Variants in ATP13A3 observed in about 807,000 individuals in gnomAD.
ATP13A3 encodes polyamine-transporting ATPase 13A3.
ATP13A3 carries 59 observed loss-of-function variants against 158.1 expected under a neutral mutation model. That is an observed-to-expected ratio of 0.37 (90% CI 0.30 to 0.46). The LOEUF is 0.46. Among genes scored for constraint, ATP13A3 ranks in the 20% least tolerant of loss-of-function variants. The pLI is 1.00. For synonymous variants in ATP13A3, 491 were observed against 504.3 expected, an observed-to-expected ratio of 0.97 and a Z score of 0.35; for missense variants, 1,166 against 1,525.2, an observed-to-expected ratio of 0.76 and a Z score of 3.92.
In ATP13A3 at chr3:194,441,463, T is replaced by G; in HGVS notation, c.1560-2A>C. The G allele has an allele frequency of 6.2e-7, 1 of 1,611,114 alleles. No homozygotes were observed. Among genetic ancestry groups the G allele is most frequent in the Non-Finnish European group, 8.5e-7 (1 of 1,177,566 alleles). On this transcript the variant is annotated splice_acceptor_variant, in intron 15 of 33. Transcript: ENST00000645319. LOFTEE classifies it high-confidence loss of function. The stretch of plus-strand genomic sequence containing the variant: ...ACATTTTCTTCTGGTGAAAGAAATC[T>G]AAGCAGAAGACACACTGAATTAGTT...
At chr3:194,455,322 C>T (rs1719148492) in intron 8 of ATP13A3, among the ~76,000 whole-genome samples, 1 of 152,174 alleles carries the variant, frequency 6.6e-6, no homozygotes, top group East Asian at 1.9e-4. Context: ...CCAATGTCTT[C>T]AAATTGATGC....
intron 3 of ATP13A3, among the ~76,000 whole-genome samples, chr3:194,461,741 C>T (rs1050964521): frequency 1.3e-5 from 2 of 152,204 alleles, no homozygotes; most frequent in Non-Finnish European, 1.5e-5. Flanking sequence ...TGACATCTTT[C>T]TGGCTCCCCC....
chr3:194,453,687 C>A lies in ATP13A3; in HGVS notation c.838+19G>T. 1.3e-6 allele frequency: 2 copies of A among 1,594,472 alleles called. No homozygotes were observed. Among genetic ancestry groups the A allele is most frequent in the South Asian group, 2.2e-5 (2 of 90,302 alleles). On this transcript the variant is annotated intron_variant, in intron 10 of 33. Coordinates refer to ENST00000645319, the MANE Select transcript of ATP13A3 (RefSeq NM_001367549.1). Reference sequence around the variant, plus strand: ...CAGGTATCTTTTTTGATTTATTCTTCCAACATTCAATTACTTACCTTCATT... The same window carrying A: ...CAGGTATCTTTTTTGATTTATTCTTACAACATTCAATTACTTACCTTCATT...
intron 2 of ATP13A3, among the ~76,000 whole-genome samples, chr3:194,470,485 T>C (rs1720252060): frequency 1.3e-5 from 2 of 152,278 alleles, no homozygotes; most frequent in South Asian, 4.1e-4. Flanking sequence ...TTCAGAGAAA[T>C]CCTACAGAGT....
intron 2 of ATP13A3, among the ~76,000 whole-genome samples, chr3:194,470,152 C>T (rs1347362853): frequency 6.6e-6 from 1 of 152,172 alleles, no homozygotes; most frequent in African/African-American, 2.4e-5. Flanking sequence ...CACTTTATCA[C>T]TTCCCATCTT....
chr3:194,442,422 A>C (rs1351889768), intron 15 of ATP13A3, among the ~76,000 whole-genome samples: 1 of 152,178 alleles, frequency 6.6e-6, no homozygotes, highest in East Asian at 1.9e-4. Flanking sequence ...ATATAGCGAG[A>C]CACCCATACC....
At chr3:194,431,570 A>C (rs1717222090) in intron 22 of ATP13A3, 147 bp downstream of exon 22, 1 of 838,288 alleles carries the variant, frequency 1.2e-6, no homozygotes, top group South Asian at 2.6e-5. Flanking sequence ...CCCAGTCCTA[A>C]TGAAACATAA....
chr3:194,469,785 ATTATT>A (rs575052352), intron 2 of ATP13A3, among the ~76,000 whole-genome samples: 105 of 152,320 alleles, frequency 6.9e-4, no homozygotes, highest in African/African-American at 2.3e-3. Context: ...CATTCTAAAT[ATTATT>A]TTATTCTCAA....
intron 2 of ATP13A3, among the ~76,000 whole-genome samples, chr3:194,470,765 G>A (rs1053739875): frequency 2.6e-5 from 4 of 152,078 alleles, no homozygotes; most frequent in Admixed American, 1.3e-4. Context: ...CCACATTCAA[G>A]GTTAAGAATT....
At position 194,447,832 on chromosome 3, in the gene ATP13A3, TA is replaced by T. The variant is rs758315271; in HGVS notation, c.1308+19del. ...TAAATAATTGAGGTTCAAACCCTATTAAGAGTCCCACATACATACCTCATTT... is the reference window on the plus strand; with the variant it reads ...TAAATAATTGAGGTTCAAACCCTATTAGAGTCCCACATACATACCTCATTT... On this transcript the variant is annotated intron_variant, in intron 13 of 33. Transcript: ENST00000645319. 6.3e-7 allele frequency: 1 copy of T among 1,588,546 alleles called. No individual in the cohort carries two copies. Among genetic ancestry groups the T allele is most frequent in the Non-Finnish European group, 8.6e-7 (1 of 1,159,342 alleles).
chr3:194,416,047 A>G (rs114822218), intron 31 of ATP13A3, among the ~76,000 whole-genome samples: 3,790 of 152,274 alleles, frequency 0.025, 164 homozygotes, highest in African/African-American at 0.088. Context: ...GTGCATCATG[A>G]CCAAACTGAA....
At chr3:194,413,174 C>T (rs948121640) in intron 32 of ATP13A3, 1 of 152,386 alleles carries the variant, frequency 6.6e-6, no homozygotes, top group Non-Finnish European at 1.5e-5. Context: ...GCAATCCTAA[C>T]GGGAGGGTAA....
At position 194,404,032 on chromosome 3, in the gene ATP13A3, A is replaced by C. The variant is rs757818952; in HGVS notation, c.*1887T>G. ...AGCAATTACTTTCATTATATGCTTC[A>C]GTACTTAAACCAAAGAATAAAATGC... On this transcript the variant is annotated 3_prime_UTR_variant, in exon 34 of 34. Coordinates refer to ENST00000645319, the MANE Select transcript of ATP13A3 (RefSeq NM_001367549.1). The C allele has an allele frequency of 2.3e-6, 1 of 427,844 alleles. No individual in the cohort carries two copies. The highest frequency in any genetic ancestry group is 1.7e-5 in the South Asian group (1 of 59,572). 26.5% of individuals were successfully genotyped at this position (427,844 alleles called of 1,614,324 possible).
chr3:194,417,428 C>CACAA (rs1215986137), intron 31 of ATP13A3, among the ~76,000 whole-genome samples: 5 of 151,186 alleles, frequency 3.3e-5, no homozygotes, highest in Admixed American at 2.0e-4. Flanking sequence ...CACACACACA[C>CACAA]ACACACACAC....
At chr3:194,410,941 T>TTGGG (rs1267288337) in intron 33 of ATP13A3, among the ~76,000 whole-genome samples, 5 of 108,644 alleles carry the variant, frequency 4.6e-5, no homozygotes, top group South Asian at 7.2e-4. Context: ...TGTTGGGGTG[T>TTGGG]GTGTGTGTGT....
intron 13 of ATP13A3, 114 bp downstream of exon 13, chr3:194,447,738 A>G (rs1307536780): frequency 3.2e-6 from 3 of 928,274 alleles, no homozygotes; most frequent in African/African-American, 3.3e-5. Flanking sequence ...AATTAAAATT[A>G]AATTAGCTTA....
intron 20 of ATP13A3, among the ~76,000 whole-genome samples, chr3:194,436,495 GT>G (rs1450085012): frequency 1.3e-5 from 2 of 152,196 alleles, no homozygotes; most frequent in African/African-American, 4.8e-5. Context: ...TACATTTACT[GT>G]TCTTGGAATG....
At chr3:194,463,886 GTGGTGGCTCA>G (rs1719828320) in intron 2 of ATP13A3, among the ~76,000 whole-genome samples, 1 of 152,212 alleles carries the variant, frequency 6.6e-6, no homozygotes, top group African/African-American at 2.4e-5. Flanking sequence ...TCTGCCCAGC[GTGGTGGCTCA>G]CGCCTGTAAT....
chr3:194,451,789 G>C (rs1718826686), intron 10 of ATP13A3: 1 of 152,514 alleles, frequency 6.6e-6, no homozygotes, highest in Non-Finnish European at 1.5e-5. Context: ...TTGCAAGCCT[G>C]CTTCTCTTCC....
Sources: gnomAD v4.1 joint callset for allele counts (sites outside exome capture counted in the v4.1 genomes callset) on GRCh38, gnomAD v4.1.1 for gene constraint, MANE v1.5 for transcripts, NCBI Gene and HGNC (gene_info 2026-07-23, HGNC 2026-07-21) for gene names.